The following SIDT1 variants were observed in gnomAD, a reference collection of about 807,000 sequenced individuals.
The protein encoded by SIDT1 is SID1 transmembrane family, member 1.
A neutral mutation model predicts 107.5 loss-of-function variants in SIDT1; 101 were observed. The observed-to-expected ratio is 0.94, with a 90% confidence interval of 0.80 to 1.11. The LOEUF is 1.11. Ranked by LOEUF, SIDT1 falls within the 50% of genes least tolerant of loss-of-function variation. SIDT1 has a pLI of 0.00. For missense variants in SIDT1, 1,076 were observed against 1,058.2 expected, an observed-to-expected ratio of 1.02 and a Z score of -0.23; for synonymous variants, 395 against 398.2, an observed-to-expected ratio of 0.99 and a Z score of 0.10.
At chr3:113,535,200 G>C (rs1937981590) in intron 1 of SIDT1, among the ~76,000 whole-genome samples, 1 of 152,184 alleles carries the variant, frequency 6.6e-6, no homozygotes, top group Admixed American at 6.5e-5. Flanking sequence ...CTTGAGCCCA[G>C]GAATTTGAGG....
In SIDT1 at chr3:113,607,089, T is replaced by G; in HGVS notation, c.1453T>G (p.Cys485Gly). 3 of 1,613,176 alleles carry G rather than the reference T, an allele frequency of 1.9e-6. No individual in the cohort carries two copies. In the South Asian group the frequency reaches 3.3e-5, roughly 18 times the overall value. The part of the protein sequence containing the change: ...NQDICYYNFL[C>G]AHPLGVLSAF... ...GGACATCTGTTACTACAACTTCCTC[T>G]GTGCTCACCCCTTGGGCGTCCTGAG... is the stretch of plus-strand genomic sequence containing the variant. The change falls in exon 15 of 25, where the codon TGT (cysteine) becomes GGT (glycine). Residue 485 changes from cysteine (C) to glycine (G), a missense_variant. Physicochemically the swap from Cys to Gly is radical, Grantham distance 159. Coordinates refer to ENST00000264852, the MANE Select transcript of SIDT1 (RefSeq NM_017699.3).
At chr3:113,545,976 T>A (rs889536792) in intron 1 of SIDT1, among the ~76,000 whole-genome samples, 2 of 152,252 alleles carry the variant, frequency 1.3e-5, no homozygotes, top group Non-Finnish European at 2.9e-5. Context: ...TGCTGTCTTC[T>A]GAACTTTTAT....
intron 10 of SIDT1, among the ~76,000 whole-genome samples, chr3:113,600,079 G>A (rs898462382): frequency 1.6e-4 from 24 of 152,080 alleles, no homozygotes; most frequent in Non-Finnish European, 2.2e-4. Context: ...AGAGGCCAAG[G>A]CAAGCTGATC....
At chr3:113,626,576 C>T (rs79300373) in intron 24 of SIDT1, among the ~76,000 whole-genome samples, 72 of 152,220 alleles carry the variant, frequency 4.7e-4, no homozygotes, top group African/African-American at 1.7e-3. Context: ...GCCATACTCA[C>T]ATTCCTCCTC....
intron 21 of SIDT1, among the ~76,000 whole-genome samples, chr3:113,622,917 A>G (rs886346139): frequency 6.6e-5 from 10 of 152,082 alleles, no homozygotes; most frequent in African/African-American, 2.4e-4. Context: ...GCAAGGCACC[A>G]TGGCTCACGG....
downstream of SIDT1, among the ~76,000 whole-genome samples, chr3:113,629,929 G>T (rs1947072521): frequency 6.6e-6 from 1 of 152,226 alleles, no homozygotes; most frequent in Non-Finnish European, 1.5e-5. Flanking sequence ...TGTACATGTT[G>T]CTAATTCTTT....
intron 1 of SIDT1, among the ~76,000 whole-genome samples, chr3:113,550,110 A>G (rs1940047669): frequency 6.6e-6 from 1 of 152,174 alleles, no homozygotes; most frequent in South Asian, 2.1e-4. Context: ...TCTTATCACC[A>G]TTCCCAACCT....
chr3:113,565,799 G>A (rs1941847120), intron 1 of SIDT1, among the ~76,000 whole-genome samples: 1 of 152,140 alleles, frequency 6.6e-6, no homozygotes, highest in South Asian at 2.1e-4. Flanking sequence ...GGGAACATCA[G>A]GCCATCTGTT....
downstream of SIDT1, among the ~76,000 whole-genome samples, chr3:113,633,956 G>A (rs1262502370): frequency 6.6e-6 from 1 of 152,148 alleles, no homozygotes; most frequent in African/African-American, 2.4e-5. Flanking sequence ...ACAGCCTGTC[G>A]GACGCCTACA....
At chr3:113,601,477 AG>A (rs898661219) in intron 10 of SIDT1, 110 bp from the exon 11 acceptor site, 4 of 739,770 alleles carry the variant, frequency 5.4e-6, no homozygotes, top group African/African-American at 5.3e-5. Flanking sequence ...TAGTGTAAAA[AG>A]AAAATCAAAC....
chr3:113,545,720 G>C (rs527682328), intron 1 of SIDT1, among the ~76,000 whole-genome samples: 1 of 152,286 alleles, frequency 6.6e-6, no homozygotes, highest in South Asian at 2.1e-4. Flanking sequence ...TGAATTTGCA[G>C]TTAAAGAGAT....
intron 24 of SIDT1, among the ~76,000 whole-genome samples, chr3:113,627,073 G>T (rs1316787473): frequency 2.6e-5 from 4 of 152,220 alleles, no homozygotes; most frequent in Admixed American, 2.0e-4. Flanking sequence ...TGGAACTAAA[G>T]ATTCCACGTG....
chr3:113,546,362 T>G (rs1939587449), intron 1 of SIDT1, among the ~76,000 whole-genome samples: 1 of 151,936 alleles, frequency 6.6e-6, no homozygotes, highest in Non-Finnish European at 1.5e-5. Context: ...TACTGTTGCT[T>G]TAAAACTACT....
Position 113,618,573 on chromosome 3 carries a change from C to T in SIDT1, c.2044-1107C>T, listed in dbSNP as rs148483774. Among the ~76,000 whole-genome samples the T allele has an allele frequency of 2.0e-3, 303 of 152,286 alleles. 1 individual carries two copies. Among genetic ancestry groups the T allele is most frequent in the African/African-American group, 7.0e-3 (289 of 41,560 alleles). On this transcript the variant is annotated intron_variant, in intron 20 of 24. Coordinates refer to ENST00000264852, the MANE Select transcript of SIDT1 (RefSeq NM_017699.3). ...GTGTTACTGTTGCTCCACATCCTCG[C>T]CAGCATTTGGTGTTGTCACTGTTTG...
At chr3:113,599,327 C>T (rs1203450424) in intron 10 of SIDT1, among the ~76,000 whole-genome samples, 3 of 152,188 alleles carry the variant, frequency 2.0e-5, no homozygotes, top group African/African-American at 7.2e-5. Flanking sequence ...CAGGCAGCAG[C>T]TGCCAATCTA....
At chr3:113,562,677 G>C (rs1174330729) in intron 1 of SIDT1, among the ~76,000 whole-genome samples, 1 of 152,176 alleles carries the variant, frequency 6.6e-6, no homozygotes, top group Non-Finnish European at 1.5e-5. Flanking sequence ...CAGAAATAAG[G>C]TTAGTGGTTT....
At chr3:113,581,002 T>C (rs769620864) in intron 5 of SIDT1, among the ~76,000 whole-genome samples, 9 of 152,202 alleles carry the variant, frequency 5.9e-5, no homozygotes, top group Non-Finnish European at 1.3e-4. Flanking sequence ...AGTTGTGGGC[T>C]CCGCGAGAAA....
At chr3:113,623,830 T>C in intron 23 of SIDT1, 97 bp downstream of exon 23, 1 of 799,016 alleles carries the variant, frequency 1.3e-6, no homozygotes, top group Non-Finnish European at 2.1e-6. Context: ...TCACAGTGTC[T>C]AAAATGAAAG....
chr3:113,549,647 C>T (rs962890800), intron 1 of SIDT1, among the ~76,000 whole-genome samples: 5 of 152,124 alleles, frequency 3.3e-5, no homozygotes, highest in South Asian at 2.1e-4. Flanking sequence ...GGATACCAGT[C>T]CTTTATCAGA....
Sources: gnomAD v4.1 joint callset for allele counts (sites outside exome capture counted in the v4.1 genomes callset) on GRCh38, gnomAD v4.1.1 for gene constraint, MANE v1.5 for transcripts, NCBI Gene and HGNC (gene_info 2026-07-23, HGNC 2026-07-21) for gene names.